JAKMIP1: variants seen among roughly 807,000 people sequenced by gnomAD.
The protein encoded by JAKMIP1 is janus kinase and microtubule interacting protein 1, also known as janus kinase and microtubule-interacting protein 1.
A neutral mutation model predicts 113.0 loss-of-function variants in JAKMIP1; 33 were observed. The ratio of observed to expected loss-of-function variants is 0.29; its 90% CI spans 0.22 to 0.39. The LOEUF is 0.39. Among genes scored for constraint, JAKMIP1 ranks in the 10% least tolerant of loss-of-function variants. JAKMIP1 has a pLI of 1.00. For missense variants in JAKMIP1, 813 were observed against 1,080.5 expected, an observed-to-expected ratio of 0.75 and a Z score of 3.47; for synonymous variants, 480 against 459.9, an observed-to-expected ratio of 1.04 and a Z score of -0.56.
rs1305232517 is a variant in JAKMIP1, at chr4:6,061,312, G to A, written c.1561-805C>T. On this transcript the variant is annotated intron_variant, in intron 10 of 20. Transcript: ENST00000409021. This position sits in a 1 kb window ranked among gnomAD's most constrained non-coding sequence, Gnocchi z 5.3. Reference sequence around the variant, plus strand: ...GATGACAAAGACTGGGCCTTTTATGGTGGGACAAGCAGCTTCCCTCCCTGC... The same window carrying A: ...GATGACAAAGACTGGGCCTTTTATGATGGGACAAGCAGCTTCCCTCCCTGC... Among the ~76,000 whole-genome samples, 1 of 152,156 alleles carries A rather than the reference G, an allele frequency of 6.6e-6. No homozygotes were observed.
intron 1 of JAKMIP1, among the ~76,000 whole-genome samples, chr4:6,182,383 T>G (rs532904808): frequency 1.4e-4 from 18 of 130,934 alleles, no homozygotes; most frequent in African/African-American, 4.7e-4. Flanking sequence ...CACTCCAGCC[T>G]GGGTAACAGA....
Position 6,187,153 on chromosome 4 carries a change from T to C in JAKMIP1, c.-148+13100A>G, listed in dbSNP as rs1726739862. On this transcript the variant is annotated intron_variant, in intron 1 of 20. Transcript: ENST00000409021. This position sits in a 1 kb window ranked among gnomAD's most constrained non-coding sequence, Gnocchi z 4.2. The stretch of plus-strand genomic sequence containing the variant: ...CCCACTTCTGTCAGTTTTTGCTTCA[T>C]ATATTTTGGTGCTCTGTTGTTAGGT... 6.6e-6 allele frequency among the ~76,000 whole-genome samples: 1 copy of C among 152,228 alleles called. No homozygotes were observed. The highest frequency in any genetic ancestry group is 6.5e-5 in the Admixed American group (1 of 15,278).
intron 8 of JAKMIP1, among the ~76,000 whole-genome samples, chr4:6,071,517 T>C (rs984751195): frequency 4.6e-5 from 7 of 152,248 alleles, no homozygotes; most frequent in Non-Finnish European, 2.9e-5. Flanking sequence ...TGCTCACTCC[T>C]GGCGCTGGGG....
chr4:6,190,030 A>T (rs547747299), intron 1 of JAKMIP1, among the ~76,000 whole-genome samples: 1 of 152,178 alleles, frequency 6.6e-6, no homozygotes, highest in Non-Finnish European at 1.5e-5. Context: ...GCCTGTCTGA[A>T]TCTAGCCCCA....
At chr4:6,033,180 T>C (rs1352346925) in intron 19 of JAKMIP1, among the ~76,000 whole-genome samples, 1 of 152,186 alleles carries the variant, frequency 6.6e-6, no homozygotes, top group Non-Finnish European at 1.5e-5. Flanking sequence ...AAAATGCCAA[T>C]TTCAGCTGGG....
At position 6,157,802 on chromosome 4, in the gene JAKMIP1, G is replaced by A. The variant is rs563573948; in HGVS notation, c.-148+42451C>T. 3.3e-5 allele frequency among the ~76,000 whole-genome samples: 5 copies of A among 152,300 alleles called. No homozygotes were observed. In the East Asian group the frequency reaches 5.8e-4, roughly 18 times the overall value. ...CCCAGTAGGGTGTGAGTGAGGGACC[G>A]TAGAGTCGAGAATTCTGATGAAAAA... On this transcript the variant is annotated intron_variant, in intron 1 of 20. Coordinates refer to ENST00000409021, the MANE Select transcript of JAKMIP1 (RefSeq NM_001099433.2). The surrounding 1 kb of genome is among the most constrained non-coding windows in gnomAD (Gnocchi z 4.7).
At chr4:6,048,023 T>C (rs538848976) in intron 16 of JAKMIP1, among the ~76,000 whole-genome samples, 26 of 152,262 alleles carry the variant, frequency 1.7e-4, no homozygotes, top group African/African-American at 6.3e-4. Context: ...ACAAATCCAA[T>C]GGAAAACCCT....
At position 6,150,902 on chromosome 4, in the gene JAKMIP1, G is replaced by A. The variant is rs1721493460; in HGVS notation, c.-147-37905C>T. On this transcript the variant is annotated intron_variant, in intron 1 of 20. Transcript: ENST00000409021. The surrounding 1 kb of genome is among the most constrained non-coding windows in gnomAD (Gnocchi z 4.8). The stretch of plus-strand genomic sequence containing the variant: ...CAACACCTGAAGCAGTCAGCGTTGA[G>A]TGTGCCCAGGTGACACACATTTACA... 6.6e-6 allele frequency among the ~76,000 whole-genome samples: 1 copy of A among 152,170 alleles called. No individual in the cohort carries two copies. The highest frequency in any genetic ancestry group is 2.4e-5 in the African/African-American group (1 of 41,418).
chr4:6,056,829 G>A (rs1716537890), intron 11 of JAKMIP1, 70 bp from the exon 12 acceptor site: 1 of 1,042,930 alleles, frequency 9.6e-7, no homozygotes, highest in Non-Finnish European at 1.5e-6. Flanking sequence ...AACTTTTAGT[G>A]AGAAAGGTCA....
At chr4:6,115,966 G>A (rs879083572) in intron 1 of JAKMIP1, among the ~76,000 whole-genome samples, 2 of 152,106 alleles carry the variant, frequency 1.3e-5, no homozygotes, top group Non-Finnish European at 2.9e-5. Flanking sequence ...CCTACCCCGT[G>A]CCCAGCCCAA....
intron 3 of JAKMIP1, among the ~76,000 whole-genome samples, chr4:6,091,264 T>C (rs1722025049): frequency 6.6e-6 from 1 of 152,184 alleles, no homozygotes; most frequent in Admixed American, 6.5e-5. Flanking sequence ...AGATTTTTGT[T>C]TGGCACTGAA....
intron 20 of JAKMIP1, among the ~76,000 whole-genome samples, chr4:6,029,392 C>T (rs1181318757): frequency 6.6e-6 from 1 of 152,232 alleles, no homozygotes; most frequent in African/African-American, 2.4e-5. Flanking sequence ...GGGGATGCCA[C>T]TGACCTCATC....
Position 6,178,046 on chromosome 4 carries a change from T to C in JAKMIP1, c.-148+22207A>G, listed in dbSNP as rs934208938. ...ATGACTCCTCCCTTTCCACTTCCTGTCCAGCCCCTAACCCCGCCTCGTTGG... is the reference window on the plus strand; with the variant it reads ...ATGACTCCTCCCTTTCCACTTCCTGCCCAGCCCCTAACCCCGCCTCGTTGG... On this transcript the variant is annotated intron_variant, in intron 1 of 20. Coordinates refer to ENST00000409021, the MANE Select transcript of JAKMIP1 (RefSeq NM_001099433.2). The surrounding 1 kb of genome is among the most constrained non-coding windows in gnomAD (Gnocchi z 5.5). 1.3e-5 allele frequency among the ~76,000 whole-genome samples: 2 copies of C among 152,200 alleles called. No homozygotes were observed. The highest frequency in any genetic ancestry group is 2.9e-5 in the Non-Finnish European group (2 of 68,028).
rs1660319822 is a variant in JAKMIP1 at position 6,080,492 on chromosome 4, C to G, written c.1102-180G>C. Among the ~76,000 whole-genome samples, 1 of 152,058 alleles carries G rather than the reference C, an allele frequency of 6.6e-6. No homozygotes were observed. Among genetic ancestry groups the G allele is most frequent in the Non-Finnish European group, 1.5e-5 (1 of 68,016 alleles). ...CAAATCTCATCTTGAATTGCGGCTC[C>G]CAGAACTCCCGTGTGTTGTGGGAGG... On this transcript the variant is annotated intron_variant, in intron 6 of 20. Coordinates refer to ENST00000409021, the MANE Select transcript of JAKMIP1 (RefSeq NM_001099433.2). This position sits in a 1 kb window ranked among gnomAD's most constrained non-coding sequence, Gnocchi z 6.0.
At chr4:6,114,650 A>G (rs548004274) in intron 1 of JAKMIP1, among the ~76,000 whole-genome samples, 30 of 152,362 alleles carry the variant, frequency 2.0e-4, no homozygotes, top group African/African-American at 7.2e-4. Flanking sequence ...TTAACACACC[A>G]TGAAGGATTA....
At chr4:6,198,316 C>T (rs1308242571) in intron 1 of JAKMIP1, among the ~76,000 whole-genome samples, 2 of 151,452 alleles carry the variant, frequency 1.3e-5, no homozygotes, top group South Asian at 2.1e-4. Flanking sequence ...TTGTTTTAGA[C>T]GGGGGGAAAA....
At chr4:6,110,446 C>T (rs1380026196) in intron 2 of JAKMIP1, among the ~76,000 whole-genome samples, 2 of 151,482 alleles carry the variant, frequency 1.3e-5, no homozygotes, top group Non-Finnish European at 2.9e-5. Context: ...TTGGTTACTG[C>T]AGCCCTGGCA....
At chr4:6,173,936 G>C (rs1341130712) in intron 1 of JAKMIP1, among the ~76,000 whole-genome samples, 1 of 151,976 alleles carries the variant, frequency 6.6e-6, no homozygotes, top group East Asian at 1.9e-4. Context: ...AAAAAATTTA[G>C]CCAGGAATTG....
Position 6,112,936 on chromosome 4 carries a change from C to A in JAKMIP1, c.-86G>T. On this transcript the variant is annotated 5_prime_UTR_variant, in exon 2 of 21. Transcript: ENST00000409021. Reference sequence around the variant, plus strand: ...CAGCAGGCGTGGCTACCAGCTCCACCGTGCTAACCAGTCGCGCAGGACTCA... The same window carrying A: ...CAGCAGGCGTGGCTACCAGCTCCACAGTGCTAACCAGTCGCGCAGGACTCA... 3 of 1,533,982 alleles carry A rather than the reference C, an allele frequency of 2.0e-6. No individual in the cohort carries two copies. Among genetic ancestry groups the A allele is most frequent in the East Asian group, 4.7e-5 (2 of 42,906 alleles).
Sources: gnomAD v4.1 joint callset for allele counts (sites outside exome capture counted in the v4.1 genomes callset) on GRCh38, gnomAD v4.1.1 for gene constraint, Gnocchi (gnomAD v3.1) non-coding constraint, MANE v1.5 for transcripts, NCBI Gene and HGNC (gene_info 2026-07-23, HGNC 2026-07-21) for gene names.